THOC5: variants seen among roughly 807,000 people sequenced by gnomAD.
THOC5 encodes THO complex subunit 5.
THOC5 carries 43 observed loss-of-function variants against 92.9 expected under a neutral mutation model. The observed-to-expected ratio is 0.46, with a 90% CI of 0.36 to 0.60. THOC5 has a LOEUF of 0.60. THOC5 is among the 20% of genes least tolerant of loss of function. THOC5 has a pLI of 0.00. For missense variants in THOC5, 659 were observed against 849.4 expected, an observed-to-expected ratio of 0.78 and a Z score of 2.79; for synonymous variants, 296 against 320.1, an observed-to-expected ratio of 0.92 and a Z score of 0.80.
intron 5 of THOC5, among the ~76,000 whole-genome samples, chr22:29,541,528 C>CA (rs1158923813): frequency 1.5e-5 from 2 of 135,324 alleles, no homozygotes; most frequent in East Asian, 2.3e-4. Flanking sequence ...AAAAAAAAGA[C>CA]AAAAAACAAA....
rs2063148535 is a variant in THOC5 at position 29,507,338 on chromosome 22, GAT to G, written c.*1117_*1118del. ...GGTGATCCACTTCTACTTAATAGTA[GAT>G]ATATATTTTCTTCCTTATGGCTTTC... On this transcript the variant is annotated 3_prime_UTR_variant, in exon 20 of 20. Coordinates refer to ENST00000490103, the MANE Select transcript of THOC5 (RefSeq NM_003678.5). 1 of 152,074 alleles carries G rather than the reference GAT, an allele frequency of 6.6e-6. No homozygotes were observed. 9.4% of individuals were successfully genotyped at this position (152,074 alleles called of 1,614,324 possible).
chr22:29,540,177 C>G (rs1362547389), intron 5 of THOC5, among the ~76,000 whole-genome samples: 1 of 152,064 alleles, frequency 6.6e-6, no homozygotes, highest in African/African-American at 2.4e-5. Context: ...GAGGCTGAGG[C>G]AGGAGAATCG....
intron 18 of THOC5, chr22:29,511,525 A>G: frequency 1.9e-6 from 1 of 538,888 alleles, no homozygotes; most frequent in Non-Finnish European, 3.3e-6. Context: ...ATATGCCCAC[A>G]GCCAGGAAAA....
intron 18 of THOC5, 87 bp from the exon 19 acceptor site, chr22:29,511,383 C>G: frequency 6.8e-7 from 1 of 1,464,026 alleles, no homozygotes; most frequent in Non-Finnish European, 9.3e-7. Context: ...TGGATGGGCC[C>G]GAGCGCTGAT....
intron 14 of THOC5, among the ~76,000 whole-genome samples, chr22:29,519,771 T>G (rs546963217): frequency 5.3e-5 from 8 of 152,086 alleles, no homozygotes; most frequent in Non-Finnish European, 1.0e-4. Flanking sequence ...TAGCTGGGAT[T>G]ATAGGAACGT....
rs1219393938 is a variant in THOC5, at chr22:29,507,716, T to C, written c.*741A>G. On this transcript the variant is annotated 3_prime_UTR_variant, in exon 20 of 20. Coordinates refer to ENST00000490103, the MANE Select transcript of THOC5 (RefSeq NM_003678.5). ...TCTCTAGTTTACTGTATTGTAAGAA[T>C]ACAGTGTATAAGATACAAAATATAT... 1 of 152,256 alleles carries C rather than the reference T, an allele frequency of 6.6e-6. No homozygotes were observed. The highest frequency in any genetic ancestry group is 1.5e-5 in the Non-Finnish European group (1 of 68,042). 9.4% of individuals were successfully genotyped at this position (152,256 alleles called of 1,614,324 possible). A position where few individuals can be genotyped will look rare whatever the true frequency, so the allele number is the denominator to read the frequency against.
Position 29,537,836 on chromosome 22 carries a change from A to G in THOC5, c.600-1098T>C, listed in dbSNP as rs563297334. On this transcript the variant is annotated intron_variant, in intron 6 of 19. Transcript: ENST00000490103. Reference sequence around the variant, plus strand: ...AACCAGGGAGGTGGAGGTTGCAGCAAGCCGAGATCACACCATTGCATTCCA... The same window carrying G: ...AACCAGGGAGGTGGAGGTTGCAGCAGGCCGAGATCACACCATTGCATTCCA... Among the ~76,000 whole-genome samples the G allele has an allele frequency of 1.4e-4, 21 of 152,036 alleles. No homozygotes were observed. In the South Asian group the frequency reaches 3.9e-3, roughly 29 times the overall value.
In THOC5 at chr22:29,517,513, A is replaced by C. The variant is rs1405834718; in HGVS notation, c.1490-147T>G. ...TGGTACTCAGGAAGTACCCAGGTCA[A>C]CACGTGCCAGGAATGCAAGCATGTC... On this transcript the variant is annotated intron_variant, in intron 15 of 19. Coordinates refer to ENST00000490103, the MANE Select transcript of THOC5 (RefSeq NM_003678.5). 6 of 671,042 alleles carry C rather than the reference A, an allele frequency of 8.9e-6. No homozygotes were observed. The South Asian group carries it at 9.3e-5, about 10-fold the overall frequency. The allele number at this position is 671,042 out of a possible 1,614,324, so 41.6% of individuals were successfully genotyped here. A position where few individuals can be genotyped will look rare whatever the true frequency, so the allele number is the denominator to read the frequency against.
chr22:29,518,813 G>A (rs137952667), intron 15 of THOC5, among the ~76,000 whole-genome samples, 193 bp downstream of exon 15: 1 of 152,336 alleles, frequency 6.6e-6, no homozygotes, highest in African/African-American at 2.4e-5. Context: ...TGGCTCTAAG[G>A]GGGAGCTCGG....
chr22:29,549,187 CT>C (rs1302767419), intron 1 of THOC5, 29 bp from the exon 2 acceptor site: 1 of 1,599,142 alleles, frequency 6.3e-7, no homozygotes, highest in Non-Finnish European at 8.6e-7. Context: ...TTTTGAGATT[CT>C]TCTGGAGTCA....
At chr22:29,514,820 C>T (rs2063302908) in intron 17 of THOC5, among the ~76,000 whole-genome samples, 1 of 150,790 alleles carries the variant, frequency 6.6e-6, no homozygotes, top group African/African-American at 2.4e-5. Context: ...ATTCTCCTGC[C>T]TCAGACTCCC....
Position 29,538,800 on chromosome 22 carries a change from G to GAAAAA in THOC5, c.599+529_599+530insTTTTT, listed in dbSNP as rs1491105374. 3.1e-3 allele frequency among the ~76,000 whole-genome samples: 101 copies of GAAAAA among 32,998 alleles called. 41 individuals are homozygous for GAAAAA. Among genetic ancestry groups the GAAAAA allele is most frequent in the African/African-American group, 9.4e-3 (85 of 9,030 alleles). The allele number at this position is 32,998 out of a possible 152,430, so 21.6% of individuals were successfully genotyped here. A position where few individuals can be genotyped will look rare whatever the true frequency, so the allele number is the denominator to read the frequency against. ...CAATAGAGTGAAACGCCATCTCTTT[G>GAAAAA]GAAAAAAAAAAAAAAAAAAAAAAAA... On this transcript the variant is annotated intron_variant, in intron 6 of 19. Coordinates refer to ENST00000490103, the MANE Select transcript of THOC5 (RefSeq NM_003678.5).
At chr22:29,518,015 TG>T (rs2063366051) in intron 15 of THOC5, among the ~76,000 whole-genome samples, 1 of 152,166 alleles carries the variant, frequency 6.6e-6, no homozygotes, top group Non-Finnish European at 1.5e-5. Flanking sequence ...ATGCCTTTCC[TG>T]ACAGAGACTC....
At chr22:29,545,867 C>T (rs1211075484) in intron 2 of THOC5, among the ~76,000 whole-genome samples, 2 of 152,234 alleles carry the variant, frequency 1.3e-5, no homozygotes, top group Admixed American at 6.5e-5. Context: ...GCCCTCTTCT[C>T]ACAGCTCTAC....
chr22:29,518,999 A>AGCTT lies in THOC5; in HGVS notation c.1489+3_1489+6dup. ...ACTCTTAAACCACTGCCCCATCATC[A>AGCTT]GCTTACCTAGGGATGCAAACTGTTT... On this transcript the variant is annotated splice_region_variant and intron_variant, in intron 15 of 19. Transcript: ENST00000490103. The AGCTT allele has an allele frequency of 3.2e-6, 5 of 1,575,860 alleles. No homozygotes were observed. The highest frequency in any genetic ancestry group is 4.3e-6 in the Non-Finnish European group (5 of 1,155,086).
rs111591544 is a variant in THOC5, at chr22:29,509,796, C to G, written c.1989-1276G>C. 6.9e-5 allele frequency among the ~76,000 whole-genome samples: 8 copies of G among 115,230 alleles called. No individual in the cohort carries two copies. In the East Asian group the frequency reaches 1.6e-3, roughly 23 times the overall value. 75.6% of individuals were successfully genotyped at this position (115,230 alleles called of 152,430 possible). A position where few individuals can be genotyped will look rare whatever the true frequency, so the allele number is the denominator to read the frequency against. On this transcript the variant is annotated intron_variant, in intron 19 of 19. Coordinates refer to ENST00000490103, the MANE Select transcript of THOC5 (RefSeq NM_003678.5). ...AGGGAGAGGTAAGGCACTGCTTAGA[C>G]TGACAGGGAACAGAGAACAAGGTGA...
At chr22:29,536,565 T>A in intron 7 of THOC5, 59 bp downstream of exon 7, 1 of 1,026,986 alleles carries the variant, frequency 9.7e-7, no homozygotes, top group Non-Finnish European at 1.5e-6. Flanking sequence ...AAGGGTGACA[T>A]GACTTCTGGC....
Position 29,507,161 on chromosome 22 carries a change from GCA to G in THOC5, c.*1294_*1295del, listed in dbSNP as rs940357139. ...ACTAGGATTACAGTCATGAGTCCCTGCACAGATTTTGTTCAATAAAAATAACA... is the reference window on the plus strand; with the variant it reads ...ACTAGGATTACAGTCATGAGTCCCTGCAGATTTTGTTCAATAAAAATAACA... On this transcript the variant is annotated 3_prime_UTR_variant, in exon 20 of 20. Coordinates refer to ENST00000490103, the MANE Select transcript of THOC5 (RefSeq NM_003678.5). 5.9e-5 allele frequency: 9 copies of G among 152,200 alleles called. No homozygotes were observed. Among genetic ancestry groups the G allele is most frequent in the African/African-American group, 2.2e-4 (9 of 41,524 alleles). The allele number at this position is 152,200 out of a possible 1,614,324, so 9.4% of individuals were successfully genotyped here.
chr22:29,532,025 G>A, intron 7 of THOC5, 62 bp from the exon 8 acceptor site: 1 of 1,575,326 alleles, frequency 6.3e-7, no homozygotes, highest in African/African-American at 1.4e-5. Flanking sequence ...GGAAAAAGTG[G>A]CTACTTAGTG....
Sources: gnomAD v4.1 joint callset for allele counts (sites outside exome capture counted in the v4.1 genomes callset) on GRCh38, gnomAD v4.1.1 for gene constraint, MANE v1.5 for transcripts, NCBI Gene and HGNC (gene_info 2026-07-23, HGNC 2026-07-21) for gene names.